The following DPF3 variants were observed in gnomAD, a reference collection of about 807,000 sequenced individuals.
DPF3 encodes the protein zinc finger protein DPF3.
Under a neutral mutation model 56.8 loss-of-function variants are expected in DPF3, and 18 were observed. That is an observed-to-expected ratio of 0.32 (90% CI 0.22 to 0.47). The LOEUF is 0.47. DPF3 is among the 20% of genes least tolerant of loss of function. The probability of loss-of-function intolerance (pLI) is 1.00; values close to 1 mark genes in which losing one functional copy is unlikely to be tolerated. For synonymous variants in DPF3, 188 were observed against 180.2 expected, an observed-to-expected ratio of 1.04 and a Z score of -0.35; for missense variants, 403 against 488.8, an observed-to-expected ratio of 0.82 and a Z score of 1.65.
At chr14:72,729,559 G>A (rs1377996133) in intron 4 of DPF3, among the ~76,000 whole-genome samples, 1 of 152,172 alleles carries the variant, frequency 6.6e-6, no homozygotes, top group East Asian at 1.9e-4. Context: ...TCCCTCTCCT[G>A]TGGTGTATCT....
chr14:72,778,017 A>G (rs1023064963), intron 1 of DPF3, among the ~76,000 whole-genome samples: 8 of 152,226 alleles, frequency 5.3e-5, no homozygotes, highest in African/African-American at 1.9e-4. Flanking sequence ...TATAAGGCAG[A>G]GACATGAGCA....
At chr14:72,707,740 A>G (rs1189166205) in intron 6 of DPF3, among the ~76,000 whole-genome samples, 2 of 152,022 alleles carry the variant, frequency 1.3e-5, no homozygotes, top group Admixed American at 1.3e-4. Context: ...AGAATGGAAT[A>G]CAGCAAAACA....
At chr14:72,679,243 C>T (rs1454406953) in intron 7 of DPF3, 3 of 152,232 alleles carry the variant, frequency 2.0e-5, no homozygotes, top group African/African-American at 7.2e-5. Context: ...ACAAACCAGC[C>T]GTCGGCAACA....
chr14:72,837,090 C>T (rs1884327871), intron 1 of DPF3, among the ~76,000 whole-genome samples: 1 of 151,860 alleles, frequency 6.6e-6, no homozygotes, highest in South Asian at 2.1e-4. Flanking sequence ...AGACTGGTCT[C>T]AAATTCCTGA....
At chr14:72,639,539 C>A (rs1050092900) in intron 8 of DPF3, among the ~76,000 whole-genome samples, 1 of 152,168 alleles carries the variant, frequency 6.6e-6, no homozygotes, top group African/African-American at 2.4e-5. Context: ...CTAAGGGAAG[C>A]CAGCTGCTAT....
At chr14:72,869,975 C>T (rs1885833075) in intron 1 of DPF3, among the ~76,000 whole-genome samples, 1 of 152,114 alleles carries the variant, frequency 6.6e-6, no homozygotes, top group Non-Finnish European at 1.5e-5. Flanking sequence ...TTATCAGACC[C>T]ATGCCCATTC....
At chr14:72,624,247 G>GA (rs1567179857) in intron 9 of DPF3, among the ~76,000 whole-genome samples, 1 of 150,858 alleles carries the variant, frequency 6.6e-6, no homozygotes, top group African/African-American at 2.4e-5. Context: ...GCAGAATTAC[G>GA]AAAATCAGAA....
chr14:72,820,938 C>A (rs12433064), intron 1 of DPF3, among the ~76,000 whole-genome samples: 14,211 of 151,816 alleles, frequency 0.094, 816 homozygotes, highest in Admixed American at 0.18. Flanking sequence ...TCAAGACCAG[C>A]CTGGACAACA....
Position 72,610,643 on chromosome 14 carries a change from G to T in DPF3, c.*8654C>A, listed in dbSNP as rs1202342691. 6.6e-6 allele frequency among the ~76,000 whole-genome samples: 1 copy of T among 152,232 alleles called. No homozygotes were observed. Among genetic ancestry groups the T allele is most frequent in the Non-Finnish European group, 1.5e-5 (1 of 68,040 alleles). On this transcript the variant is annotated 3_prime_UTR_variant, in exon 11 of 11. Transcript: ENST00000556509. ...TTTTGTGAATCGACCGTGTGACGTAGACAGCACAGCATCAGGCCAGGAAGG... is the reference window on the plus strand; with the variant it reads ...TTTTGTGAATCGACCGTGTGACGTATACAGCACAGCATCAGGCCAGGAAGG...
At chr14:72,668,625 C>T (rs1252995206) in intron 8 of DPF3, among the ~76,000 whole-genome samples, 7 of 151,964 alleles carry the variant, frequency 4.6e-5, no homozygotes, top group African/African-American at 9.7e-5. Flanking sequence ...TGTTAGACTC[C>T]AAGCTAGACT....
chr14:72,893,968 A>T, intron 1 of DPF3, 89 bp downstream of exon 1: 2 of 1,513,646 alleles, frequency 1.3e-6, no homozygotes, highest in Non-Finnish European at 1.8e-6. Context: ...CTGCAAGCGC[A>T]ATGCTCTGGC....
At chr14:72,689,479 C>A (rs111682246) in intron 7 of DPF3, among the ~76,000 whole-genome samples, 1 of 152,262 alleles carries the variant, frequency 6.6e-6, no homozygotes, top group Non-Finnish European at 1.5e-5. Flanking sequence ...CCCCTCCCCT[C>A]CAAAAGCCTC....
In DPF3 at chr14:72,821,133, C is replaced by CAAAAAA. The variant is rs976081670; in HGVS notation, c.33-49246_33-49241dup. Among the ~76,000 whole-genome samples the CAAAAAA allele has an allele frequency of 9.4e-4, 110 of 116,856 alleles. 2 individuals carry two copies. The highest frequency in any genetic ancestry group is 5.4e-3 in the South Asian group (20 of 3,722). The allele number at this position is 116,856 out of a possible 152,430, so 76.7% of individuals were successfully genotyped here. On this transcript the variant is annotated intron_variant, in intron 1 of 10. Coordinates refer to ENST00000556509, the MANE Select transcript of DPF3 (RefSeq NM_001280542.3). ...TGGGCAACAGAGTGAAACTCTATCT[C>CAAAAAA]AAAAAAAAAAAAAAAAAATTAGCGG...
chr14:72,629,251 C>T (rs1327393552), intron 9 of DPF3, among the ~76,000 whole-genome samples: 2 of 152,136 alleles, frequency 1.3e-5, no homozygotes, highest in South Asian at 2.1e-4. Flanking sequence ...TAAGATTGGA[C>T]GTGTACTGAT....
chr14:72,672,792 C>T (rs554617851), intron 8 of DPF3, among the ~76,000 whole-genome samples: 51 of 152,266 alleles, frequency 3.3e-4, no homozygotes, highest in African/African-American at 1.2e-3. Context: ...CTAACCCATC[C>T]AAACCTACAG....
At chr14:72,832,062 T>G (rs1221528176) in intron 1 of DPF3, among the ~76,000 whole-genome samples, 1 of 151,694 alleles carries the variant, frequency 6.6e-6, no homozygotes, top group Non-Finnish European at 1.5e-5. Context: ...AACAAAAAAA[T>G]TAAAAATTGC....
At chr14:72,850,837 G>A (rs913027452) in intron 1 of DPF3, among the ~76,000 whole-genome samples, 5 of 152,128 alleles carry the variant, frequency 3.3e-5, no homozygotes, top group Non-Finnish European at 7.4e-5. Flanking sequence ...GCGCATGTGT[G>A]TACCCATGTG....
intron 8 of DPF3, among the ~76,000 whole-genome samples, chr14:72,667,023 C>T (rs1366014963): frequency 6.6e-6 from 1 of 152,104 alleles, no homozygotes; most frequent in African/African-American, 2.4e-5. Context: ...TCTTGCATTC[C>T]CTCCAGTGCT....
intron 1 of DPF3, among the ~76,000 whole-genome samples, chr14:72,851,343 A>G (rs1884976945): frequency 1.3e-5 from 2 of 152,170 alleles, no homozygotes; most frequent in South Asian, 4.1e-4. Flanking sequence ...CCTCAAAACA[A>G]GCCTTTTTCT....
Sources: gnomAD v4.1 joint callset for allele counts (sites outside exome capture counted in the v4.1 genomes callset) on GRCh38, gnomAD v4.1.1 for gene constraint, MANE v1.5 for transcripts, NCBI Gene and HGNC (gene_info 2026-07-23, HGNC 2026-07-21) for gene names.